Variants in ZNF892 observed in about 807,000 individuals in gnomAD.
ZNF892 encodes the protein zinc finger protein 892.
chr2:95,231,430 G>T, the ZNF892 span, among the ~76,000 whole-genome samples: 1 of 152,184 alleles, frequency 6.6e-6, no homozygotes, highest in African/African-American at 2.4e-5. Flanking sequence ...AACTTTCTAG[G>T]GCGATGACAT....
At chr2:95,257,317 G>A in the ZNF892 span, among the ~76,000 whole-genome samples, 2 of 152,210 alleles carry the variant, frequency 1.3e-5, no homozygotes, top group African/African-American at 4.8e-5. Context: ...AGGTCTGTTG[G>A]AGTTTGCTGG....
the ZNF892 span, among the ~76,000 whole-genome samples, chr2:95,212,533 A>G: frequency 6.6e-6 from 1 of 152,368 alleles, no homozygotes; most frequent in Non-Finnish European, 1.5e-5. Flanking sequence ...CAACATTTTA[A>G]TGTTTGTTAA....
chr2:95,216,228 G>A, the ZNF892 span, among the ~76,000 whole-genome samples: 4 of 152,198 alleles, frequency 2.6e-5, no homozygotes, highest in Non-Finnish European at 1.5e-5. Context: ...TGTGAGGGTA[G>A]CCTTACCCTG....
At chr2:95,243,463 G>A in the ZNF892 span, among the ~76,000 whole-genome samples, 5 of 150,632 alleles carry the variant, frequency 3.3e-5, no homozygotes, top group South Asian at 2.1e-4. Flanking sequence ...CTGCCCGGCC[G>A]CCCATCGTCT....
chr2:95,222,618 T>G, the ZNF892 span, among the ~76,000 whole-genome samples: 1 of 152,250 alleles, frequency 6.6e-6, no homozygotes, highest in Non-Finnish European at 1.5e-5. Context: ...TGTCCATCTG[T>G]GTATCTTTGA....
chr2:95,221,466 C>T, the ZNF892 span, among the ~76,000 whole-genome samples: 1 of 152,094 alleles, frequency 6.6e-6, no homozygotes. Flanking sequence ...TTCTCCATCT[C>T]TGGGGGAGTT....
chr2:95,231,575 T>C, the ZNF892 span, among the ~76,000 whole-genome samples: 1 of 152,198 alleles, frequency 6.6e-6, no homozygotes, highest in South Asian at 2.1e-4. Flanking sequence ...GTATAAATTA[T>C]GTCTCCAAGT....
chr2:95,233,863 A>G, the ZNF892 span, among the ~76,000 whole-genome samples: 2 of 151,816 alleles, frequency 1.3e-5, no homozygotes, highest in South Asian at 2.1e-4. Flanking sequence ...TATTTTTTGT[A>G]GAAATGGTGT....
At chr2:95,229,959 A>G in the ZNF892 span, among the ~76,000 whole-genome samples, 1 of 152,178 alleles carries the variant, frequency 6.6e-6, no homozygotes, top group Non-Finnish European at 1.5e-5. Context: ...CATTTTAACC[A>G]TCTGGCTTAT....
chr2:95,249,229 A>ATTTTTTTTT, the ZNF892 span, among the ~76,000 whole-genome samples: 3 of 70,626 alleles, frequency 4.2e-5, no homozygotes, highest in African/African-American at 5.0e-5. Context: ...ATATATATAT[A>ATTTTTTTTT]TATTTTTTTT....
chr2:95,252,803 T>C, the ZNF892 span, among the ~76,000 whole-genome samples: 2 of 152,212 alleles, frequency 1.3e-5, no homozygotes, highest in Non-Finnish European at 2.9e-5. Flanking sequence ...TGGTATCTCA[T>C]TGTGGTTTTG....
the ZNF892 span, among the ~76,000 whole-genome samples, chr2:95,260,239 G>A: frequency 6.6e-6 from 1 of 152,284 alleles, no homozygotes; most frequent in Non-Finnish European, 1.5e-5. Flanking sequence ...GTACTCACCA[G>A]CTCATCTAGT....
the ZNF892 span, among the ~76,000 whole-genome samples, chr2:95,255,041 A>T: frequency 1.3e-5 from 2 of 152,250 alleles, no homozygotes; most frequent in African/African-American, 2.4e-5. Flanking sequence ...TCCTGGATTC[A>T]TGGATTTTTT....
chr2:95,245,440 G>T, the ZNF892 span, among the ~76,000 whole-genome samples: 4 of 78,238 alleles, frequency 5.1e-5, 1 homozygote, highest in East Asian at 1.3e-3. Context: ...GTATTTTTTA[G>T]TAGAGACGGC....
the ZNF892 span, among the ~76,000 whole-genome samples, chr2:95,236,734 AAAAC>A: frequency 2.2e-4 from 33 of 152,266 alleles, no homozygotes; most frequent in Non-Finnish European, 4.3e-4. Context: ...TGTGATAGAC[AAAAC>A]AAACAAACAA....
chr2:95,220,997 A>G, the ZNF892 span, among the ~76,000 whole-genome samples: 1 of 152,230 alleles, frequency 6.6e-6, no homozygotes, highest in East Asian at 1.9e-4. Flanking sequence ...AATTTGCCAT[A>G]TGACATATGA....
the ZNF892 span, among the ~76,000 whole-genome samples, chr2:95,221,423 C>T: frequency 2.6e-5 from 4 of 151,972 alleles, no homozygotes; most frequent in African/African-American, 9.7e-5. Context: ...TTAAAGAATC[C>T]TCGCACTTCT....
the ZNF892 span, among the ~76,000 whole-genome samples, chr2:95,243,624 G>A: frequency 6.9e-3 from 1,041 of 151,200 alleles, 4 homozygotes; most frequent in Middle Eastern, 0.025. Context: ...CAGCCGCCCC[G>A]TCTGAGAAGT....
chr2:95,243,208 A>G, the ZNF892 span, among the ~76,000 whole-genome samples: 1 of 150,714 alleles, frequency 6.6e-6, no homozygotes, highest in Non-Finnish European at 1.5e-5. Context: ...TACAACCTCC[A>G]CCTCCCAGCA....
Sources: gnomAD v4.1 joint callset for allele counts (sites outside exome capture counted in the v4.1 genomes callset) on GRCh38, gnomAD v4.1.1 for gene constraint, MANE v1.5 for transcripts, NCBI Gene and HGNC (gene_info 2026-07-23, HGNC 2026-07-21) for gene names.